The following CDH8 variants were observed in gnomAD, a reference collection of about 807,000 sequenced individuals.
The protein encoded by CDH8 is cadherin 8.
Under a neutral mutation model 68.1 loss-of-function variants are expected in CDH8, and 17 were observed. That is an observed-to-expected ratio of 0.25 (90% confidence interval 0.17 to 0.37). The LOEUF (loss-of-function observed/expected upper bound fraction) is 0.37, where lower values mean the gene tolerates loss of function less well. CDH8 is among the 10% of genes least tolerant of loss of function. The pLI is 1.00. For missense variants in CDH8, 763 were observed against 999.3 expected, an observed-to-expected ratio of 0.76 and a Z score of 3.19; for synonymous variants, 372 against 365.1, an observed-to-expected ratio of 1.02 and a Z score of -0.21.
intron 10 of CDH8, among the ~76,000 whole-genome samples, chr16:61,673,228 C>A (rs920579238): frequency 2.0e-5 from 3 of 151,974 alleles, no homozygotes; most frequent in Admixed American, 1.3e-4. Flanking sequence ...TTATAAATTT[C>A]TATCTTTTTA....
intron 7 of CDH8, 71 bp downstream of exon 7, chr16:61,817,408 C>T: frequency 1.3e-6 from 2 of 1,507,474 alleles, no homozygotes; most frequent in Non-Finnish European, 1.8e-6. Context: ...ACAGAAGGTA[C>T]AAGCAAAGGC....
chr16:61,934,149 C>T (rs1031311127), intron 2 of CDH8: 2 of 152,198 alleles, frequency 1.3e-5, no homozygotes, highest in Non-Finnish European at 2.9e-5. Context: ...GGAAGCCAGA[C>T]ATCCTATCTA....
chr16:61,822,205 C>CTTTTTTTTTT (rs71707137), intron 5 of CDH8, among the ~76,000 whole-genome samples: 6 of 45,646 alleles, frequency 1.3e-4, no homozygotes, highest in African/African-American at 3.3e-4. Flanking sequence ...AAAAACGCAC[C>CTTTTTTTTTT]TTTTTTTTTT....
At chr16:61,851,411 G>A (rs1305488159) in intron 4 of CDH8, among the ~76,000 whole-genome samples, 1 of 152,010 alleles carries the variant, frequency 6.6e-6, no homozygotes, top group Non-Finnish European at 1.5e-5. Flanking sequence ...ACTCTCACTT[G>A]CCTGGAGCAA....
intron 8 of CDH8, among the ~76,000 whole-genome samples, chr16:61,728,239 C>G (rs993213449): frequency 7.8e-5 from 11 of 141,430 alleles, no homozygotes; most frequent in African/African-American, 2.6e-4. Context: ...ACATTTGGAG[C>G]TCTAAAATAC....
At chr16:61,782,823 G>C (rs1961116101) in intron 8 of CDH8, among the ~76,000 whole-genome samples, 1 of 152,130 alleles carries the variant, frequency 6.6e-6, no homozygotes, top group Non-Finnish European at 1.5e-5. Flanking sequence ...CCCCCAGCAG[G>C]GGCACACTGA....
intron 8 of CDH8, among the ~76,000 whole-genome samples, chr16:61,774,940 C>CA (rs1190691049): frequency 6.6e-6 from 1 of 152,126 alleles, no homozygotes; most frequent in East Asian, 1.9e-4. Flanking sequence ...CTAACACTTA[C>CA]AGTAGCTTGT....
At chr16:61,781,097 C>A (rs1020809478) in intron 8 of CDH8, among the ~76,000 whole-genome samples, 6 of 152,186 alleles carry the variant, frequency 3.9e-5, no homozygotes, top group Non-Finnish European at 8.8e-5. Context: ...AGCTTGGTAG[C>A]CTTGTCACCC....
chr16:61,843,102 T>A (rs1354361894), intron 4 of CDH8, among the ~76,000 whole-genome samples: 1 of 152,124 alleles, frequency 6.6e-6, no homozygotes, highest in African/African-American at 2.4e-5. Context: ...CTGGACCCTC[T>A]GGTCCTATAC....
chr16:61,963,804 T>G (rs1965199300), intron 2 of CDH8, among the ~76,000 whole-genome samples: 1 of 152,208 alleles, frequency 6.6e-6, no homozygotes, highest in South Asian at 2.1e-4. Flanking sequence ...TTTCATTACT[T>G]GAGAATCTTC....
intron 3 of CDH8, among the ~76,000 whole-genome samples, chr16:61,860,713 T>C (rs1264787453): frequency 6.6e-6 from 1 of 152,154 alleles, no homozygotes. Flanking sequence ...AGTCACTGCA[T>C]ATGTAATCGA....
chr16:61,668,316 G>C (rs3905276), intron 10 of CDH8, among the ~76,000 whole-genome samples: 1,824 of 151,860 alleles, frequency 0.012, 15 homozygotes, highest in Non-Finnish European at 0.017. Flanking sequence ...CCCAAGGTCT[G>C]GTGTGTTTGA....
intron 2 of CDH8, among the ~76,000 whole-genome samples, chr16:61,927,345 A>C (rs940252361): frequency 6.6e-6 from 1 of 152,244 alleles, no homozygotes; most frequent in African/African-American, 2.4e-5. Flanking sequence ...TTGATTTGCT[A>C]AACATTATTT....
intron 7 of CDH8, among the ~76,000 whole-genome samples, chr16:61,804,411 A>G (rs1347316181): frequency 6.6e-6 from 1 of 152,114 alleles, no homozygotes; most frequent in Non-Finnish European, 1.5e-5. Context: ...TAAACGAACT[A>G]GAAAAGCAAG....
chr16:62,004,706 G>A (rs972216708), intron 2 of CDH8, among the ~76,000 whole-genome samples: 28 of 152,084 alleles, frequency 1.8e-4, no homozygotes, highest in Middle Eastern at 3.4e-3. Context: ...GCATGGCTTG[G>A]GTAAAACAAT....
chr16:61,811,231 G>GTGAA (rs1026925889), intron 7 of CDH8, among the ~76,000 whole-genome samples: 1 of 152,072 alleles, frequency 6.6e-6, no homozygotes, highest in Non-Finnish European at 1.5e-5. Flanking sequence ...ATGAATTAAT[G>GTGAA]TGAATGAATG....
intron 8 of CDH8, among the ~76,000 whole-genome samples, chr16:61,762,200 C>T (rs1596943235): frequency 6.6e-6 from 1 of 152,004 alleles, no homozygotes; most frequent in South Asian, 2.1e-4. Context: ...CAGAACTAAC[C>T]ACAAACACAT....
intron 10 of CDH8, among the ~76,000 whole-genome samples, chr16:61,683,061 A>G (rs991177805): frequency 4.6e-5 from 7 of 152,044 alleles, no homozygotes; most frequent in Non-Finnish European, 8.8e-5. Flanking sequence ...AGAATTTTTA[A>G]TATTTGAAAT....
intron 3 of CDH8, among the ~76,000 whole-genome samples, chr16:61,864,129 A>G (rs189028169): frequency 6.8e-4 from 103 of 152,334 alleles, no homozygotes; most frequent in African/African-American, 2.2e-3. Context: ...ATTATTCCTC[A>G]CTAGAAGTAG....
Sources: allele counts gnomAD v4.1 joint callset (sites outside exome capture counted in the v4.1 genomes callset), GRCh38; gene constraint gnomAD v4.1.1; transcripts MANE v1.5; gene names NCBI Gene and HGNC (gene_info 2026-07-23, HGNC 2026-07-21).